Variants in MBD5 observed in about 807,000 individuals in gnomAD.
The protein encoded by MBD5 is methyl-CpG binding domain protein 5.
In MBD5, 13 loss-of-function variants were observed where a neutral mutation model predicts 117.3. The observed-to-expected ratio is 0.11, with a 90% CI of 0.07 to 0.18. The LOEUF (loss-of-function observed/expected upper bound fraction) is 0.18, where lower values mean the gene tolerates loss of function less well. Among genes scored for constraint, MBD5 ranks in the 10% least tolerant of loss-of-function variants. The probability of loss-of-function intolerance (pLI) is 1.00; values close to 1 mark genes in which losing one functional copy is unlikely to be tolerated. For synonymous variants in MBD5, 727 were observed against 766.4 expected, an observed-to-expected ratio of 0.95 and a Z score of 0.85; for missense variants, 1,879 against 2,093.8, an observed-to-expected ratio of 0.90 and a Z score of 2.00.
chr2:148,385,334 A>G (rs1200687511), intron 4 of MBD5, among the ~76,000 whole-genome samples: 2 of 152,264 alleles, frequency 1.3e-5, no homozygotes, highest in African/African-American at 4.8e-5. Flanking sequence ...GAAGACATTC[A>G]TGCAGCCAAA....
intron 3 of MBD5, among the ~76,000 whole-genome samples, chr2:148,266,980 G>A (rs571524405): frequency 8.5e-5 from 13 of 152,184 alleles, no homozygotes; most frequent in South Asian, 6.2e-4. Flanking sequence ...CACACTCTAC[G>A]GAGGCTGTTG....
intron 4 of MBD5, among the ~76,000 whole-genome samples, chr2:148,392,442 C>A (rs971028085): frequency 2.4e-4 from 36 of 152,160 alleles, no homozygotes; most frequent in Middle Eastern, 3.2e-3. Context: ...TCTTCTCAAT[C>A]TGATATCTTC....
chr2:148,465,742 A>G (rs1707240953), intron 7 of MBD5, among the ~76,000 whole-genome samples: 1 of 152,194 alleles, frequency 6.6e-6, no homozygotes, highest in Non-Finnish European at 1.5e-5. Flanking sequence ...GGATACAAAG[A>G]AGAACAGTTG....
intron 4 of MBD5, among the ~76,000 whole-genome samples, chr2:148,446,973 A>T (rs894352052): frequency 1.3e-5 from 2 of 152,020 alleles, no homozygotes. Context: ...GTAATTGTAC[A>T]ATTAGATTCC....
intron 12 of MBD5, among the ~76,000 whole-genome samples, chr2:148,503,910 T>C (rs1047766702): frequency 6.6e-6 from 1 of 152,192 alleles, no homozygotes; most frequent in East Asian, 1.9e-4. Flanking sequence ...ACCCATTTCT[T>C]TGGTGTAAAG....
At chr2:148,028,764 T>TA (rs1387662536) in intron 1 of MBD5, 1 of 152,132 alleles carries the variant, frequency 6.6e-6, no homozygotes, top group East Asian at 1.9e-4. Flanking sequence ...TTTGAAAAGT[T>TA]ATAAAGTATC....
chr2:148,143,628 G>C (rs1206325620), intron 1 of MBD5, among the ~76,000 whole-genome samples: 1 of 152,078 alleles, frequency 6.6e-6, no homozygotes, highest in Non-Finnish European at 1.5e-5. Context: ...ACAGGCCCTG[G>C]TGTGTGATGT....
chr2:148,095,756 C>CCTT (rs1482912185), intron 1 of MBD5, among the ~76,000 whole-genome samples: 3 of 151,142 alleles, frequency 2.0e-5, no homozygotes, highest in African/African-American at 7.3e-5. Context: ...TTTCTGGCTA[C>CCTT]CTTCATCAGA....
intron 1 of MBD5, among the ~76,000 whole-genome samples, chr2:148,153,977 T>G (rs1697775383): frequency 7.9e-6 from 1 of 125,912 alleles, no homozygotes; most frequent in Admixed American, 8.6e-5. Flanking sequence ...GTTCCGTTGC[T>G]GGTGAGGAAC....
chr2:148,270,101 G>A (rs968806450), intron 3 of MBD5, among the ~76,000 whole-genome samples: 2 of 151,750 alleles, frequency 1.3e-5, no homozygotes, highest in Non-Finnish European at 2.9e-5. Context: ...CCTTTTCTCA[G>A]TGTCTTTCTT....
rs955901717 is a variant in MBD5, at chr2:148,063,215, A to G, written c.-925+41531A>G. 1.1e-4 allele frequency among the ~76,000 whole-genome samples: 16 copies of G among 152,308 alleles called. No homozygotes were observed. The South Asian group carries it at 1.7e-3, about 16-fold the overall frequency. ...GGTTGAGTACCAATGCAGCTTCATC[A>G]CAATTTAAGTCATTAGTTTTGAATT... On this transcript the variant is annotated intron_variant, in intron 1 of 13. Coordinates refer to ENST00000642680, the MANE Select transcript of MBD5 (RefSeq NM_001378120.1).
At chr2:148,280,869 T>C (rs919592747) in intron 3 of MBD5, among the ~76,000 whole-genome samples, 1 of 152,262 alleles carries the variant, frequency 6.6e-6, no homozygotes, top group Non-Finnish European at 1.5e-5. Context: ...GTGTTTAGGC[T>C]ACAGTTGTTT....
At chr2:148,142,960 A>G (rs1697354163) in intron 1 of MBD5, among the ~76,000 whole-genome samples, 1 of 152,236 alleles carries the variant, frequency 6.6e-6, no homozygotes, top group African/African-American at 2.4e-5. Flanking sequence ...ATAAGTCATG[A>G]TAATACAGAC....
chr2:148,261,433 G>C (rs1276540762), intron 3 of MBD5, among the ~76,000 whole-genome samples: 1 of 152,138 alleles, frequency 6.6e-6, no homozygotes, highest in Non-Finnish European at 1.5e-5. Context: ...CACTTTTGTG[G>C]AGATGGCTTC....
intron 1 of MBD5, chr2:148,071,581 T>C (rs1302739747): frequency 6.6e-6 from 1 of 152,210 alleles, no homozygotes; most frequent in Non-Finnish European, 1.5e-5. Flanking sequence ...CAGTGCTTTA[T>C]GATATTGTAG....
intron 12 of MBD5, among the ~76,000 whole-genome samples, chr2:148,505,543 T>A (rs1209394745): frequency 6.6e-6 from 1 of 152,054 alleles, no homozygotes; most frequent in Non-Finnish European, 1.5e-5. Context: ...AAAATCCCCA[T>A]CAGATTGGGC....
In MBD5 at chr2:148,483,653, CCCCTTTA is replaced by C; in HGVS notation, c.3067_3073del (p.Leu1023HisfsTer2). 6.4e-7 allele frequency: 1 copy of C among 1,550,886 alleles called. No individual in the cohort carries two copies. Among genetic ancestry groups the C allele is most frequent in the Non-Finnish European group, 8.7e-7 (1 of 1,147,050 alleles). ...TCAGATCTTTTGCAACAGCAAAATA[CCCCTTTA>C]CCCTCATTAACACAGATGACAGCCC... On this transcript the variant is annotated frameshift_variant, in exon 9 of 14. Coordinates refer to ENST00000642680, the MANE Select transcript of MBD5 (RefSeq NM_001378120.1). LOFTEE classifies it high-confidence loss of function.
intron 1 of MBD5, among the ~76,000 whole-genome samples, chr2:148,156,400 C>T (rs1426630499): frequency 1.3e-5 from 2 of 152,216 alleles, no homozygotes; most frequent in Admixed American, 6.5e-5. Flanking sequence ...CAGGCCACAA[C>T]AGATTCTAAG....
intron 4 of MBD5, among the ~76,000 whole-genome samples, chr2:148,362,101 A>G (rs1016900826): frequency 6.6e-6 from 1 of 152,146 alleles, no homozygotes; most frequent in African/African-American, 2.4e-5. Context: ...AGTTTTTTTC[A>G]TACCCCAGTG....
Sources: gnomAD v4.1 joint callset for allele counts (sites outside exome capture counted in the v4.1 genomes callset) on GRCh38, gnomAD v4.1.1 for gene constraint, MANE v1.5 for transcripts, NCBI Gene and HGNC (gene_info 2026-07-23, HGNC 2026-07-21) for gene names.